Variants in ABR observed in about 807,000 individuals in gnomAD.
ABR encodes active breakpoint cluster region-related protein.
Under a neutral mutation model 107.2 loss-of-function variants are expected in ABR, and 35 were observed. That is an observed-to-expected ratio of 0.33 (90% CI 0.25 to 0.43). ABR has a LOEUF of 0.43. Ranked by LOEUF, ABR falls within the 20% of genes least tolerant of loss-of-function variation. ABR has a pLI of 1.00. For synonymous variants in ABR, 498 were observed against 462.0 expected, an observed-to-expected ratio of 1.08 and a Z score of -1.00; for missense variants, 815 against 1,115.2, an observed-to-expected ratio of 0.73 and a Z score of 3.83.
intron 1 of ABR, among the ~76,000 whole-genome samples, chr17:1,137,858 TTAGGTTGGAGCAAAGGTAATATA>T (rs1478787078): frequency 6.6e-6 from 1 of 152,012 alleles, no homozygotes; most frequent in Non-Finnish European, 1.5e-5. Context: ...GCTATTTACT[TTAGGTTGGAGCAAAGGTAATATA>T]TAATGGTAAA....
intron 1 of ABR, among the ~76,000 whole-genome samples, chr17:1,227,031 C>T (rs2043234881): frequency 6.6e-6 from 1 of 152,162 alleles, no homozygotes; most frequent in Non-Finnish European, 1.5e-5. Flanking sequence ...TGAAATCTAG[C>T]CCAGGCATCA....
chr17:1,180,242 G>T (rs2042089344), upstream of ABR, among the ~76,000 whole-genome samples: 1 of 152,072 alleles, frequency 6.6e-6, no homozygotes, highest in African/African-American at 2.4e-5. Flanking sequence ...GGCTCAGCAG[G>T]ATCCTGGCGA....
chr17:1,220,397 G>A (rs188126996), intron 1 of ABR, among the ~76,000 whole-genome samples: 13 of 152,324 alleles, frequency 8.5e-5, no homozygotes, highest in Admixed American at 5.9e-4. Flanking sequence ...CGACTGTAGC[G>A]AGCGTCGAAT....
At chr17:1,031,778 G>T in intron 16 of ABR, 1 of 1,229,234 alleles carries the variant, frequency 8.1e-7, no homozygotes, top group Non-Finnish European at 1.0e-6. Context: ...GAGAGAAGGC[G>T]CCTGTGGAGC....
intron 2 of ABR, among the ~76,000 whole-genome samples, chr17:1,114,986 C>T (rs950189775): frequency 2.0e-5 from 3 of 152,176 alleles, no homozygotes; most frequent in Admixed American, 1.3e-4. Context: ...ATCTCTCTCT[C>T]GTGAGAGTTC....
rs2070487938 is a variant in ABR, at chr17:1,010,992, T to C, written c.2102-129A>G. On this transcript the variant is annotated intron_variant, in intron 19 of 22. Transcript: ENST00000302538. The surrounding 1 kb of genome is among the most constrained non-coding windows in gnomAD (Gnocchi z 4.1). ...TGGTCTCCCCTGGAAGAGCAGGATGTAGAGAGGGCCCACAGGTGTCTGTGA... is the reference window on the plus strand; with the variant it reads ...TGGTCTCCCCTGGAAGAGCAGGATGCAGAGAGGGCCCACAGGTGTCTGTGA... 2 of 1,255,676 alleles carry C rather than the reference T, an allele frequency of 1.6e-6. No homozygotes were observed. Among genetic ancestry groups the C allele is most frequent in the Admixed American group, 1.9e-5 (1 of 52,340 alleles). 77.8% of individuals were successfully genotyped at this position (1,255,676 alleles called of 1,614,324 possible).
intron 1 of ABR, among the ~76,000 whole-genome samples, chr17:1,214,638 C>G (rs996218914): frequency 6.6e-6 from 1 of 151,872 alleles, no homozygotes; most frequent in Admixed American, 6.6e-5. Flanking sequence ...CCCATCTCTA[C>G]TAAAAATACA....
At chr17:1,044,172 G>A (rs909590586) in intron 16 of ABR, among the ~76,000 whole-genome samples, 2 of 146,410 alleles carry the variant, frequency 1.4e-5, no homozygotes, top group African/African-American at 2.5e-5. Flanking sequence ...GGCAGACTAC[G>A]CCGGGGGCAG....
At chr17:1,060,108 T>C (rs1157278619) in intron 10 of ABR, among the ~76,000 whole-genome samples, 1 of 152,014 alleles carries the variant, frequency 6.6e-6, no homozygotes, top group African/African-American at 2.4e-5. Context: ...CAGGAGGCAG[T>C]TGTTAAAAAG....
At position 1,010,971 on chromosome 17, in the gene ABR, C is replaced by A; in HGVS notation, c.2102-108G>T. ...CACCCACTCCAGCTCTGGTTCTGGT[C>A]TCCCCTGGAAGAGCAGGATGTAGAG... On this transcript the variant is annotated intron_variant, in intron 19 of 22. Coordinates refer to ENST00000302538, the MANE Select transcript of ABR (RefSeq NM_021962.5). The surrounding 1 kb of genome is among the most constrained non-coding windows in gnomAD (Gnocchi z 4.1). 6.8e-7 allele frequency: 1 copy of A among 1,460,770 alleles called. No individual in the cohort carries two copies. Among genetic ancestry groups the A allele is most frequent in the South Asian group, 1.2e-5 (1 of 80,636 alleles). The allele number at this position is 1,460,770 out of a possible 1,614,324, so 90.5% of individuals were successfully genotyped here. A position where few individuals can be genotyped will look rare whatever the true frequency, so the allele number is the denominator to read the frequency against.
intron 2 of ABR, among the ~76,000 whole-genome samples, chr17:1,119,528 C>CTTTATCCCT (rs2039246271): frequency 9.8e-6 from 1 of 102,192 alleles, no homozygotes; most frequent in Non-Finnish European, 2.1e-5. Flanking sequence ...TTCTTCCCAG[C>CTTTATCCCT]GTTATTGCCT....
chr17:1,043,510 T>C (rs2031018777), intron 16 of ABR, among the ~76,000 whole-genome samples: 1 of 152,090 alleles, frequency 6.6e-6, no homozygotes, highest in South Asian at 2.1e-4. Context: ...TATGTATATT[T>C]CACTACAATC....
chr17:1,180,016 G>T (rs1241846773), upstream of ABR: 1 of 223,308 alleles, frequency 4.5e-6, no homozygotes, highest in Non-Finnish European at 8.6e-6. Flanking sequence ...GTGGGGCTTC[G>T]TGGTGGGGCG....
chr17:1,020,851 T>C (rs908099549), intron 16 of ABR, among the ~76,000 whole-genome samples: 4 of 152,046 alleles, frequency 2.6e-5, no homozygotes, highest in Admixed American at 2.0e-4. Context: ...GGTGACCCCA[T>C]TTCTCCTGCC....
intron 16 of ABR, among the ~76,000 whole-genome samples, chr17:1,035,283 C>G (rs568047134): frequency 2.6e-5 from 4 of 151,300 alleles, no homozygotes; most frequent in Non-Finnish European, 4.4e-5. Context: ...GCTATCCCAA[C>G]CACCTGGGAA....
At chr17:1,147,607 C>T (rs893693940) in intron 1 of ABR, among the ~76,000 whole-genome samples, 3 of 152,070 alleles carry the variant, frequency 2.0e-5, no homozygotes, top group Non-Finnish European at 4.4e-5. Flanking sequence ...GTGACCCACC[C>T]GCCTCAGCCT....
At chr17:1,007,990 G>C (rs952526395) in intron 21 of ABR, among the ~76,000 whole-genome samples, 6 of 152,372 alleles carry the variant, frequency 3.9e-5, no homozygotes, top group Admixed American at 1.3e-4. Context: ...GTCCCCCCGT[G>C]CCTGTCCGGA....
At position 1,100,932 on chromosome 17, in the gene ABR, C is replaced by T. The variant is rs543658393; in HGVS notation, c.247-197G>A. ...TCCGCCTCCCGGGTTCCAGTGATTC[C>T]CCTGCCTCAGCCTCCCGAGTAGCTG... On this transcript the variant is annotated intron_variant, in intron 2 of 22. Transcript: ENST00000302538. The T allele has an allele frequency of 9.6e-5, 57 of 593,184 alleles. No homozygotes were observed. The East Asian group carries it at 1.3e-3, about 14-fold the overall frequency. The allele number at this position is 593,184 out of a possible 1,614,324, so 36.7% of individuals were successfully genotyped here. A position where few individuals can be genotyped will look rare whatever the true frequency, so the allele number is the denominator to read the frequency against.
rs1036450194 is a variant in ABR at position 1,159,658 on chromosome 17, A to G, written c.61+20009T>C. 6.4e-4 allele frequency among the ~76,000 whole-genome samples: 55 copies of G among 86,596 alleles called. No individual in the cohort carries two copies. In the East Asian group the frequency reaches 0.012, roughly 19 times the overall value. 56.8% of individuals were successfully genotyped at this position (86,596 alleles called of 152,430 possible). The stretch of plus-strand genomic sequence containing the variant: ...AGGGAAGTATGCGGTACTCACACAC[A>G]GGAGAAGTAAGAATGCGGTACTCAC... On this transcript the variant is annotated intron_variant, in intron 1 of 22. Transcript: ENST00000302538.
Sources: gnomAD v4.1 joint callset for allele counts (sites outside exome capture counted in the v4.1 genomes callset) on GRCh38, gnomAD v4.1.1 for gene constraint, Gnocchi (gnomAD v3.1) non-coding constraint, MANE v1.5 for transcripts, NCBI Gene and HGNC (gene_info 2026-07-23, HGNC 2026-07-21) for gene names.